The following GALNT16 variants were observed in gnomAD, a reference collection of about 807,000 sequenced individuals.
GALNT16 encodes UDP-GalNAc:polypeptide N-acetylgalactosaminyltransferase-like protein 1.
GALNT16 carries 40 observed loss-of-function variants against 76.1 expected under a neutral mutation model. The observed-to-expected ratio is 0.53, with a 90% confidence interval of 0.41 to 0.68. The LOEUF is 0.68. Ranked by LOEUF, GALNT16 falls within the 30% of genes least tolerant of loss-of-function variation. GALNT16 has a pLI of 0.00. For missense variants in GALNT16, 621 were observed against 731.9 expected, an observed-to-expected ratio of 0.85 and a Z score of 1.75; for synonymous variants, 276 against 285.2, an observed-to-expected ratio of 0.97 and a Z score of 0.32.
intron 14 of GALNT16, chr14:69,348,509 T>G (rs142233923): frequency 3.0e-3 from 522 of 176,160 alleles, no homozygotes; most frequent in Non-Finnish European, 5.1e-3. Context: ...GTCAGTGACT[T>G]CTAGGCCCAC....
chr14:69,383,659 C>T, the GALNT16 span, among the ~76,000 whole-genome samples: 2 of 152,100 alleles, frequency 1.3e-5, no homozygotes, highest in Admixed American at 6.5e-5. Context: ...TGATAATTTA[C>T]GGTTTTTAAC....
chr14:69,264,909 G>C (rs1394839289), intron 1 of GALNT16, among the ~76,000 whole-genome samples: 2 of 142,856 alleles, frequency 1.4e-5, no homozygotes, highest in Non-Finnish European at 3.0e-5. Flanking sequence ...CACCTCCTGG[G>C]CTCAAGCGAT....
intron 5 of GALNT16, among the ~76,000 whole-genome samples, chr14:69,328,182 G>A (rs1363029395): frequency 6.6e-6 from 1 of 152,092 alleles, no homozygotes; most frequent in Non-Finnish European, 1.5e-5. Context: ...AACTGTGACT[G>A]TTCATCAGTG....
At chr14:69,325,243 TG>T (rs2045264346) in intron 3 of GALNT16, 93 bp from the exon 4 acceptor site, 1 of 799,098 alleles carries the variant, frequency 1.3e-6, no homozygotes, top group East Asian at 2.4e-5. Flanking sequence ...GCCCTGGAGC[TG>T]GGCGGCTGGG....
chr14:69,369,213 C>T, the GALNT16 span, among the ~76,000 whole-genome samples: 1 of 152,208 alleles, frequency 6.6e-6, no homozygotes, highest in South Asian at 2.1e-4. Context: ...CAGGAGGACA[C>T]ATAGGAATGG....
chr14:69,331,622 C>T, intron 7 of GALNT16, 71 bp downstream of exon 7: 7 of 854,178 alleles, frequency 8.2e-6, no homozygotes, highest in Non-Finnish European at 1.4e-5. Context: ...GGCAAAAACC[C>T]TTGCTTGCTG....
intron 6 of GALNT16, among the ~76,000 whole-genome samples, 174 bp from the exon 7 acceptor site, chr14:69,331,290 T>C (rs1594857026): frequency 6.6e-6 from 1 of 152,056 alleles, no homozygotes; most frequent in South Asian, 2.1e-4. Flanking sequence ...TTGGGTGTGG[T>C]GATGCAGGAC....
chr14:69,321,514 C>T (rs956062161), intron 2 of GALNT16, among the ~76,000 whole-genome samples: 19 of 152,162 alleles, frequency 1.2e-4, no homozygotes, highest in Admixed American at 7.2e-4. Flanking sequence ...CTCTTCCTGC[C>T]GTCACCTGCA....
chr14:69,273,820 T>C (rs56693137), intron 1 of GALNT16, among the ~76,000 whole-genome samples: 3,102 of 152,318 alleles, frequency 0.02, 116 homozygotes, highest in African/African-American at 0.071. Context: ...AGGACATAGT[T>C]AGAGCCGTAA....
the GALNT16 span, among the ~76,000 whole-genome samples, chr14:69,364,890 G>A: frequency 6.6e-6 from 1 of 152,082 alleles, no homozygotes; most frequent in African/African-American, 2.4e-5. The surrounding 1 kb of genome is among the most constrained non-coding windows in gnomAD (Gnocchi z 4.2). Context: ...AGTGTTTTAA[G>A]TATTATTTCA....
intron 1 of GALNT16, among the ~76,000 whole-genome samples, chr14:69,277,975 G>T (rs1405760000): frequency 6.6e-6 from 1 of 151,036 alleles, no homozygotes; most frequent in Non-Finnish European, 1.5e-5. Flanking sequence ...GGCCATCAGA[G>T]AAATGCAAAT....
At chr14:69,305,974 T>C (rs2044927148) in intron 1 of GALNT16, among the ~76,000 whole-genome samples, 1 of 152,214 alleles carries the variant, frequency 6.6e-6, no homozygotes, top group African/African-American at 2.4e-5. Flanking sequence ...TTCCATTCTT[T>C]TGCATGTGGA....
rs1006118514 is a variant in GALNT16 at position 69,261,409 on chromosome 14, G to A, written c.177+942G>A. ...GCACCCGCCGAGAGTGCGCTCGAGC[G>A]GGCGCATTCTTCCAGACGGGGGCGG... On this transcript the variant is annotated intron_variant, in intron 1 of 14. Coordinates refer to ENST00000448469, the MANE Select transcript of GALNT16 (RefSeq NM_001168368.2). The surrounding 1 kb of genome is among the most constrained non-coding windows in gnomAD (Gnocchi z 6.4). Among the ~76,000 whole-genome samples, 1 of 152,178 alleles carries A rather than the reference G, an allele frequency of 6.6e-6. No individual in the cohort carries two copies. Among genetic ancestry groups the A allele is most frequent in the Non-Finnish European group, 1.5e-5 (1 of 68,030 alleles).
intron 1 of GALNT16, among the ~76,000 whole-genome samples, chr14:69,297,360 T>A (rs2044782846): frequency 1.3e-5 from 2 of 152,352 alleles, no homozygotes; most frequent in South Asian, 4.1e-4. Flanking sequence ...AGCTCTCGCC[T>A]CATTTTCTTT....
chr14:69,367,201 C>T, the GALNT16 span, among the ~76,000 whole-genome samples: 2 of 151,812 alleles, frequency 1.3e-5, no homozygotes, highest in African/African-American at 2.4e-5. Context: ...GGGCCTTGGG[C>T]GGTAAGCTAA....
intron 1 of GALNT16, among the ~76,000 whole-genome samples, chr14:69,288,224 C>G (rs2044641734): frequency 6.6e-6 from 1 of 152,190 alleles, no homozygotes; most frequent in African/African-American, 2.4e-5. Flanking sequence ...TAAAGTTGCA[C>G]AGCTTGTTTG....
chr14:69,301,807 G>A (rs1334238366), intron 1 of GALNT16, among the ~76,000 whole-genome samples: 1 of 152,126 alleles, frequency 6.6e-6, no homozygotes, highest in East Asian at 1.9e-4. Context: ...TGGGCAACAT[G>A]GTGAAACCTG....
chr14:69,327,793 C>G (rs2045304409), intron 5 of GALNT16, among the ~76,000 whole-genome samples: 1 of 152,208 alleles, frequency 6.6e-6, no homozygotes, highest in South Asian at 2.1e-4. Context: ...AGGTCTCCGC[C>G]CAGAGCAGAG....
At chr14:69,377,026 T>G in the GALNT16 span, among the ~76,000 whole-genome samples, 5 of 152,332 alleles carry the variant, frequency 3.3e-5, no homozygotes, top group South Asian at 1.0e-3. Flanking sequence ...AGGATAATTC[T>G]TGGATGGCTG....
Sources: gnomAD v4.1 joint callset for allele counts (sites outside exome capture counted in the v4.1 genomes callset) on GRCh38, gnomAD v4.1.1 for gene constraint, Gnocchi (gnomAD v3.1) non-coding constraint, MANE v1.5 for transcripts, NCBI Gene and HGNC (gene_info 2026-07-23, HGNC 2026-07-21) for gene names.